The following RAG1 variants were observed in gnomAD, a reference collection of about 807,000 sequenced individuals.
RAG1 encodes V(D)J recombination-activating protein 1.
Under a neutral mutation model 62.7 loss-of-function variants are expected in RAG1, and 35 were observed. The ratio of observed to expected loss-of-function variants is 0.56; its 90% CI spans 0.43 to 0.74. The LOEUF is 0.74. RAG1 is among the 30% of genes least tolerant of loss of function. The probability of loss-of-function intolerance (pLI) is 0.00; values close to 1 mark genes in which losing one functional copy is unlikely to be tolerated. For missense variants in RAG1, 1,169 were observed against 1,278.6 expected (o/e 0.91, Z 1.31); for synonymous variants, 461 against 470.3 (o/e 0.98, Z 0.26).
chr11:36,577,610 G>GTA lies in RAG1; in HGVS notation c.*1174_*1175insTA, dbSNP rs912813887. On this transcript the variant is annotated 3_prime_UTR_variant, in exon 2 of 2. Transcript: ENST00000299440. ...TTACACAGTGCTTTTTACCACTGTG[G>GTA]AATGTTTTCACACTCATTTTTCCTT... 1.3e-4 allele frequency: 22 copies of GTA among 166,992 alleles called. No individual in the cohort carries two copies. The highest frequency in any genetic ancestry group is 5.3e-4 in the African/African-American group (22 of 41,426). 10.3% of individuals were successfully genotyped at this position (166,992 alleles called of 1,614,324 possible).
At chr11:36,528,721 G>T (rs914056055) in intron 2 of RAG1, among the ~76,000 whole-genome samples, 3 of 151,282 alleles carry the variant, frequency 2.0e-5, no homozygotes, top group Admixed American at 6.6e-5. Flanking sequence ...TGTTTTTTTT[G>T]AAAAGATCAA....
At chr11:36,516,417 G>C (rs1424215861) in intron 1 of RAG1, among the ~76,000 whole-genome samples, 4 of 152,220 alleles carry the variant, frequency 2.6e-5, no homozygotes, top group Non-Finnish European at 5.9e-5. Flanking sequence ...CGCCTCCCGG[G>C]CTCACGCCAT....
At chr11:36,551,765 A>T (rs1440289652) in intron 3 of RAG1, among the ~76,000 whole-genome samples, 21 of 115,560 alleles carry the variant, frequency 1.8e-4, no homozygotes, top group African/African-American at 5.5e-4. Flanking sequence ...CCCTCCCCTG[A>T]CCCCACCACA....
At chr11:36,544,284 G>T (rs565294831) in intron 3 of RAG1, among the ~76,000 whole-genome samples, 1 of 152,220 alleles carries the variant, frequency 6.6e-6, no homozygotes, top group Non-Finnish European at 1.5e-5. Context: ...AGAAGAAGGG[G>T]GATTATTAAC....
chr11:36,525,117 G>T (rs764409450), intron 2 of RAG1, among the ~76,000 whole-genome samples: 4 of 145,400 alleles, frequency 2.8e-5, no homozygotes, highest in Non-Finnish European at 6.0e-5. Flanking sequence ...CTTCTTTTCT[G>T]TGTGATATCC....
At chr11:36,563,060 C>G (rs1038453215), upstream of RAG1, among the ~76,000 whole-genome samples, 9 of 152,118 alleles carry the variant, frequency 5.9e-5, no homozygotes, top group Non-Finnish European at 1.3e-4. Flanking sequence ...TATAAGGATA[C>G]CAGTAAGATT....
At chr11:36,540,950 C>T (rs924374952), downstream of RAG1, among the ~76,000 whole-genome samples, 1 of 152,112 alleles carries the variant, frequency 6.6e-6, no homozygotes, top group Admixed American at 6.6e-5. Context: ...TAGGTTTAAA[C>T]GTGAATTCAG....
intron 1 of RAG1, among the ~76,000 whole-genome samples, chr11:36,518,751 CAG>C: frequency 6.6e-6 from 1 of 152,268 alleles, no homozygotes; most frequent in East Asian, 1.9e-4. Flanking sequence ...AGCCCTTTGT[CAG>C]ATGAGTAGAT....
At chr11:36,534,718 T>C (rs1397237319) in intron 2 of RAG1, among the ~76,000 whole-genome samples, 2 of 152,230 alleles carry the variant, frequency 1.3e-5, no homozygotes, top group Non-Finnish European at 2.9e-5. Flanking sequence ...GCAATCAATG[T>C]GTCTACCACA....
At position 36,578,581 on chromosome 11, in the gene RAG1, A is replaced by C. The variant is rs1850886759; in HGVS notation, c.*2145A>C. The C allele has an allele frequency of 6.0e-6, 1 of 166,946 alleles. No individual in the cohort carries two copies. The highest frequency in any genetic ancestry group is 6.5e-5 in the Admixed American group (1 of 15,296). The allele number at this position is 166,946 out of a possible 1,614,324, so 10.3% of individuals were successfully genotyped here. ...GGCACTGTAAATACTTTCCAGTATT[A>C]AATTATCCTTTTCTAACACTGTAGG... On this transcript the variant is annotated 3_prime_UTR_variant, in exon 2 of 2. Coordinates refer to ENST00000299440, the MANE Select transcript of RAG1 (RefSeq NM_000448.3).
chr11:36,561,961 C>T (rs183871036), intron 3 of RAG1, among the ~76,000 whole-genome samples: 25 of 152,200 alleles, frequency 1.6e-4, no homozygotes, highest in African/African-American at 4.6e-4. Flanking sequence ...TCAGCGTATC[C>T]GGACATTTTG....
intron 2 of RAG1, among the ~76,000 whole-genome samples, chr11:36,524,128 T>C (rs1031915490): frequency 1.3e-5 from 2 of 152,190 alleles, no homozygotes; most frequent in Non-Finnish European, 2.9e-5. Flanking sequence ...TGTGTGAACA[T>C]AAATTTTCAT....
At chr11:36,545,581 G>C (rs1850380310) in intron 3 of RAG1, among the ~76,000 whole-genome samples, 1 of 152,050 alleles carries the variant, frequency 6.6e-6, no homozygotes, top group Non-Finnish European at 1.5e-5. Context: ...TGTCACAAAA[G>C]CCCTAGAAGA....
At chr11:36,565,203 G>A (rs1850644089), upstream of RAG1, among the ~76,000 whole-genome samples, 1 of 152,192 alleles carries the variant, frequency 6.6e-6, no homozygotes, top group African/African-American at 2.4e-5. Flanking sequence ...ATTATGATAA[G>A]AGCTCAAAAT....
At position 36,570,583 on chromosome 11, in the gene RAG1, T is replaced by C. The variant is rs1850725375; in HGVS notation, c.-15+2461T>C. Among the ~76,000 whole-genome samples, 6 of 152,336 alleles carry C rather than the reference T, an allele frequency of 3.9e-5. No homozygotes were observed. The South Asian group carries it at 1.2e-3, about 32-fold the overall frequency. Reference sequence around the variant, plus strand: ...TATAATAATTCTATCTTTAGTTTTTTTGAGGACCTCCATACTATTCTTCAT... The same window carrying C: ...TATAATAATTCTATCTTTAGTTTTTCTGAGGACCTCCATACTATTCTTCAT... On this transcript the variant is annotated intron_variant, in intron 1 of 1. Coordinates refer to ENST00000299440, the MANE Select transcript of RAG1 (RefSeq NM_000448.3).
chr11:36,573,269 G>T, intron 1 of RAG1, 22 bp from the exon 2 acceptor site: 1 of 1,613,026 alleles, frequency 6.2e-7, no homozygotes, highest in South Asian at 1.1e-5. Context: ...GTCTTAATAT[G>T]ACTTGTTTTC....
chr11:36,571,544 T>C (rs1217428422), intron 1 of RAG1, among the ~76,000 whole-genome samples: 1 of 152,238 alleles, frequency 6.6e-6, no homozygotes, highest in East Asian at 1.9e-4. Context: ...TAGTCCTGCA[T>C]AGGGAACAAT....
intron 2 of RAG1, among the ~76,000 whole-genome samples, chr11:36,527,477 G>GT (rs1191176928): frequency 6.6e-6 from 1 of 152,076 alleles, no homozygotes; most frequent in African/African-American, 2.4e-5. Context: ...TGCTGTTTTG[G>GT]TTACTGTAGC....
chr11:36,529,510 A>G (rs1459912402), intron 2 of RAG1, among the ~76,000 whole-genome samples: 1 of 152,186 alleles, frequency 6.6e-6, no homozygotes, highest in Admixed American at 6.5e-5. Context: ...AATAAGAGCT[A>G]CTTATGACAA....
Sources: allele counts gnomAD v4.1 joint callset (sites outside exome capture counted in the v4.1 genomes callset), GRCh38; gene constraint gnomAD v4.1.1; transcripts MANE v1.5; gene names NCBI Gene and HGNC (gene_info 2026-07-23, HGNC 2026-07-21).